METTL15: variants seen among roughly 807,000 people sequenced by gnomAD.
METTL15 encodes the protein methyltransferase 15, mitochondrial 12S rRNA N4-cytidine, also known as 12S rRNA N(4)-cytidine methyltransferase METTL15.
In METTL15, 34 loss-of-function variants were observed where a neutral mutation model predicts 38.3. That is an observed-to-expected ratio of 0.89 (90% confidence interval 0.68 to 1.18). The LOEUF (loss-of-function observed/expected upper bound fraction) is 1.18, where lower values mean the gene tolerates loss of function less well. Among genes scored for constraint, METTL15 ranks in the 50% most tolerant of loss-of-function variants. METTL15 has a pLI of 0.00. For synonymous variants in METTL15, 162 were observed against 170.9 expected (o/e 0.95, Z 0.41); for missense variants, 438 against 498.4 (o/e 0.88, Z 1.15).
intron 3 of METTL15, among the ~76,000 whole-genome samples, chr11:28,201,831 A>T (rs1281041278): frequency 2.0e-5 from 3 of 152,042 alleles, no homozygotes; most frequent in African/African-American, 7.2e-5. Flanking sequence ...ATAAAATTTG[A>T]CAAAGATGGA....
At chr11:28,409,899 AG>A (rs1268652811) in intron 5 of METTL15, among the ~76,000 whole-genome samples, 1 of 152,160 alleles carries the variant, frequency 6.6e-6, no homozygotes, top group East Asian at 1.9e-4. Flanking sequence ...AGGAAAATAG[AG>A]AACACTCAAT....
intron 3 of METTL15, among the ~76,000 whole-genome samples, chr11:28,120,942 C>G (rs1469102426): frequency 1.3e-5 from 2 of 152,038 alleles, no homozygotes; most frequent in African/African-American, 4.8e-5. Context: ...TGAGCTGTCT[C>G]AACACAGGCA....
At chr11:28,355,327 C>A (rs1850081425) in intron 4 of METTL15, among the ~76,000 whole-genome samples, 1 of 152,108 alleles carries the variant, frequency 6.6e-6, no homozygotes, top group African/African-American at 2.4e-5. Flanking sequence ...CCAATCAATC[C>A]AAGAGCCTGG....
chr11:28,222,663 C>T (rs892866784), intron 4 of METTL15, among the ~76,000 whole-genome samples: 5 of 152,188 alleles, frequency 3.3e-5, no homozygotes, highest in Non-Finnish European at 7.3e-5. Flanking sequence ...GTGCTGTAGA[C>T]TGGACCTGTT....
chr11:28,387,870 C>T (rs971038855), intron 5 of METTL15, among the ~76,000 whole-genome samples: 11 of 152,044 alleles, frequency 7.2e-5, no homozygotes, highest in African/African-American at 2.4e-4. Flanking sequence ...GGGATTGAGT[C>T]CTGCAATGCA....
intron 3 of METTL15, among the ~76,000 whole-genome samples, chr11:28,131,833 G>A (rs1054789078): frequency 6.6e-6 from 1 of 152,160 alleles, no homozygotes; most frequent in South Asian, 2.1e-4. Context: ...TAAATCGGAA[G>A]TATTACTTTC....
intron 6 of METTL15, among the ~76,000 whole-genome samples, chr11:28,450,444 C>G (rs1187124136): frequency 6.6e-6 from 1 of 152,182 alleles, no homozygotes; most frequent in Non-Finnish European, 1.5e-5. Flanking sequence ...TAATACTAAT[C>G]TCACAGGACT....
At position 28,209,684 on chromosome 11, in the gene METTL15, T is replaced by C. The variant is rs1852539817; in HGVS notation, c.271-1378T>C. 2.0e-5 allele frequency among the ~76,000 whole-genome samples: 3 copies of C among 152,092 alleles called. No individual in the cohort carries two copies. In the South Asian group the frequency reaches 6.2e-4, roughly 32 times the overall value. On this transcript the variant is annotated intron_variant, in intron 3 of 6. Transcript: ENST00000407364. The stretch of plus-strand genomic sequence containing the variant: ...ATTCTTTCAGTAGCAGGCTAACTTT[T>C]ATGAGGACTTGATCAGCGGATGGGA...
intron 5 of METTL15, among the ~76,000 whole-genome samples, chr11:28,411,366 A>G (rs2133412870): frequency 6.6e-6 from 1 of 152,176 alleles, no homozygotes; most frequent in Non-Finnish European, 1.5e-5. Context: ...AAAATAGCAT[A>G]GTACTGGCAT....
intron 3 of METTL15, among the ~76,000 whole-genome samples, chr11:28,194,002 T>C (rs1182381521): frequency 6.6e-6 from 1 of 152,026 alleles, no homozygotes; most frequent in Non-Finnish European, 1.5e-5. Flanking sequence ...TTGCCCACAA[T>C]ACCGGTTTGC....
intron 5 of METTL15, among the ~76,000 whole-genome samples, chr11:28,408,365 G>A (rs538106980): frequency 5.3e-4 from 81 of 152,096 alleles, no homozygotes; most frequent in East Asian, 4.4e-3. Flanking sequence ...CAAGAAAACC[G>A]TGCTAGCTAA....
At chr11:28,291,674 T>A (rs972386297) in intron 5 of METTL15, among the ~76,000 whole-genome samples, 12 of 152,218 alleles carry the variant, frequency 7.9e-5, no homozygotes, top group African/African-American at 2.9e-4. Context: ...AAGAAAATAA[T>A]AAAAATCCTT....
In METTL15 at chr11:28,302,333, G is replaced by A. The variant is rs770652644; in HGVS notation, c.778+5402G>A. Among the ~76,000 whole-genome samples the A allele has an allele frequency of 3.3e-5, 5 of 152,238 alleles. No individual in the cohort carries two copies. The South Asian group carries it at 8.3e-4, about 25-fold the overall frequency. On this transcript the variant is annotated intron_variant, in intron 6 of 6. Transcript: ENST00000407364. ...AACTTCAACGTTAATTTTAAAAATT[G>A]ATGTTCAGTCTTGTAGGTCATAAAA... is the stretch of plus-strand genomic sequence containing the variant.
intron 5 of METTL15, among the ~76,000 whole-genome samples, chr11:28,378,533 C>T (rs1220635038): frequency 6.6e-6 from 1 of 152,138 alleles, no homozygotes; most frequent in African/African-American, 2.4e-5. Flanking sequence ...GTGCGTGCAC[C>T]CACTGACCTG....
intron 6 of METTL15, among the ~76,000 whole-genome samples, chr11:28,493,506 A>G (rs766114621): frequency 2.6e-5 from 4 of 152,216 alleles, no homozygotes; most frequent in Admixed American, 6.5e-5. Flanking sequence ...AGTGTGCTCT[A>G]GCTTTAAATT....
chr11:28,522,030 G>T (rs1188383762), intron 6 of METTL15, among the ~76,000 whole-genome samples: 1 of 152,180 alleles, frequency 6.6e-6, no homozygotes, highest in Admixed American at 6.5e-5. Context: ...CAGGTGTGTA[G>T]TAATGAGGTA....
chr11:28,194,804 G>A (rs1319837427), intron 3 of METTL15, among the ~76,000 whole-genome samples: 1 of 151,754 alleles, frequency 6.6e-6, no homozygotes, highest in East Asian at 2.0e-4. Context: ...TTGGTGATAG[G>A]TGTACCTTGT....
chr11:28,202,708 A>G (rs933649525), intron 3 of METTL15, among the ~76,000 whole-genome samples: 2 of 152,124 alleles, frequency 1.3e-5, no homozygotes, highest in Non-Finnish European at 2.9e-5. Context: ...AAATTTTTTC[A>G]AAAGCACTTC....
At chr11:28,496,807 G>T (rs1851539370) in intron 6 of METTL15, among the ~76,000 whole-genome samples, 1 of 152,176 alleles carries the variant, frequency 6.6e-6, no homozygotes. Context: ...CAATCTGTAT[G>T]GTCCTTTCAG....
Sources: allele counts gnomAD v4.1 joint callset (sites outside exome capture counted in the v4.1 genomes callset), GRCh38; gene constraint gnomAD v4.1.1; transcripts MANE v1.5; gene names NCBI Gene and HGNC (gene_info 2026-07-23, HGNC 2026-07-21).